PPFIBP2: variants seen among roughly 807,000 people sequenced by gnomAD.
The protein encoded by PPFIBP2 is PPFIB scaffold protein 2.
A neutral mutation model predicts 118.3 loss-of-function variants in PPFIBP2; 118 were observed. The observed-to-expected ratio is 1.00, with a 90% CI of 0.86 to 1.16. The LOEUF (loss-of-function observed/expected upper bound fraction) is 1.16. Ranked by LOEUF, PPFIBP2 falls within the 50% of genes most tolerant of loss-of-function variation. The probability of loss-of-function intolerance (pLI) is 0.00; values close to 1 mark genes in which losing one functional copy is unlikely to be tolerated. For missense variants in PPFIBP2, 1,195 were observed against 1,073.1 expected (o/e 1.11, Z -1.59); for synonymous variants, 414 against 397.4 (o/e 1.04, Z -0.50).
chr11:7,542,712 A>G (rs1320640327), intron 1 of PPFIBP2, among the ~76,000 whole-genome samples: 1 of 152,230 alleles, frequency 6.6e-6, no homozygotes, highest in Non-Finnish European at 1.5e-5. Context: ...TGACTGAGGA[A>G]GTCTCTCCCA....
downstream of PPFIBP2, among the ~76,000 whole-genome samples, chr11:7,654,644 C>T (rs1248555062): frequency 6.6e-6 from 1 of 152,244 alleles, no homozygotes; most frequent in East Asian, 1.9e-4. Context: ...TACCCAGGTC[C>T]ACTGGATGAC....
chr11:7,629,515 G>A lies in PPFIBP2; in HGVS notation c.945G>A (p.Glu315=). The A allele has an allele frequency of 6.2e-7, 1 of 1,614,144 alleles. No homozygotes were observed. The highest frequency in any genetic ancestry group is 1.1e-5 in the South Asian group (1 of 91,074). Residue 315 remains glutamate, a synonymous_variant, in exon 10 of 24, where the codon GAG becomes GAA. Coordinates refer to ENST00000299492, the MANE Select transcript of PPFIBP2 (RefSeq NM_003621.5). ...TAAACCAGTACCGGAAGGTAAAGGAGATTGTGATGGTCACTCAAGGTAAGA... is the reference window on the plus strand; with the variant it reads ...TAAACCAGTACCGGAAGGTAAAGGAAATTGTGATGGTCACTCAAGGTAAGA... The part of the protein sequence containing the change: ...GLLNQYRKVK[E]IVMVTQGPSE...
intron 23 of PPFIBP2, among the ~76,000 whole-genome samples, chr11:7,652,156 C>T (rs918913203): frequency 6.6e-6 from 1 of 152,260 alleles, no homozygotes; most frequent in Non-Finnish European, 1.5e-5. Flanking sequence ...AGAGCGGAAG[C>T]GCTCCGAGTC....
chr11:7,577,297 G>A (rs1346002771), intron 3 of PPFIBP2: 8 of 248,570 alleles, frequency 3.2e-5, no homozygotes, highest in Non-Finnish European at 6.5e-5. Flanking sequence ...CCCAGTCCTG[G>A]TGCGTGTGCG....
intron 11 of PPFIBP2, among the ~76,000 whole-genome samples, chr11:7,631,605 CA>C (rs1850768022): frequency 6.6e-6 from 1 of 152,192 alleles, no homozygotes; most frequent in African/African-American, 2.4e-5. Flanking sequence ...TACAAATAAA[CA>C]AATAAACAAG....
chr11:7,549,489 C>T lies in PPFIBP2; in HGVS notation c.14C>T (p.Ala5Val). MASD[A>V]SHALEAALEQ... is the part of the protein sequence containing the mutation. Reference sequence around the variant, plus strand: ...GCAAAAGGAGTCATGGCTTCTGATGCTAGTCATGCGCTGGAAGCTGCCCTG... The same window carrying T: ...GCAAAAGGAGTCATGGCTTCTGATGTTAGTCATGCGCTGGAAGCTGCCCTG... Residue 5 changes from alanine to valine, a missense_variant, in exon 2 of 24, where the codon GCT (alanine) becomes GTT (valine). Coordinates refer to ENST00000299492, the MANE Select transcript of PPFIBP2 (RefSeq NM_003621.5). 1 of 1,562,056 alleles carries T rather than the reference C, an allele frequency of 6.4e-7. No homozygotes were observed. The highest frequency in any genetic ancestry group is 8.7e-7 in the Non-Finnish European group (1 of 1,152,864).
intron 1 of PPFIBP2, among the ~76,000 whole-genome samples, chr11:7,532,629 G>A (rs1850811832): frequency 6.6e-6 from 1 of 152,210 alleles, no homozygotes; most frequent in Admixed American, 6.5e-5. Context: ...GCTCCCGTGT[G>A]GCCCTCGGAA....
At chr11:7,633,421 G>T (rs756747625) in intron 12 of PPFIBP2, among the ~76,000 whole-genome samples, 1 of 152,192 alleles carries the variant, frequency 6.6e-6, no homozygotes, top group South Asian at 2.1e-4. Flanking sequence ...TCATTTGACT[G>T]CCATCTGTCT....
Position 7,628,321 on chromosome 11 carries a change from CT to C in PPFIBP2, c.866del (p.Leu289CysfsTer12). 6.2e-7 allele frequency: 1 copy of C among 1,613,932 alleles called. No homozygotes were observed. Among genetic ancestry groups the C allele is most frequent in the Non-Finnish European group, 8.5e-7 (1 of 1,179,900 alleles). On this transcript the variant is annotated frameshift_variant, in exon 9 of 24. Transcript: ENST00000299492. LOFTEE classifies it high-confidence loss of function. Reference sequence around the variant, plus strand: ...CAACGTCTGAAAATGGGGATGGAAACTTTGCTGCTTGCCAATGAAGATAAGG... The same window carrying C: ...CAACGTCTGAAAATGGGGATGGAAACTTGCTGCTTGCCAATGAAGATAAGG... ...EIQRLKMGME[T>X]LLLANEDKDR...
chr11:7,581,739 T>C (rs184280072), intron 3 of PPFIBP2, among the ~76,000 whole-genome samples: 112 of 152,326 alleles, frequency 7.4e-4, no homozygotes, highest in Middle Eastern at 3.4e-3. Context: ...GGCTCATATC[T>C]CACCTCTGTG....
chr11:7,656,607 T>A, downstream of PPFIBP2: 2 of 556,628 alleles, frequency 3.6e-6, no homozygotes, highest in Non-Finnish European at 6.1e-6. Flanking sequence ...ACTATAAACT[T>A]ATAGTGCACC....
At chr11:7,642,237 A>T in intron 16 of PPFIBP2, 61 bp from the exon 17 acceptor site, 1 of 1,592,714 alleles carries the variant, frequency 6.3e-7, no homozygotes, top group Non-Finnish European at 8.6e-7. Flanking sequence ...AAGAGGAAGC[A>T]CAGTGACTGT....
intron 1 of PPFIBP2, among the ~76,000 whole-genome samples, chr11:7,521,840 A>T (rs1849784165): frequency 6.6e-6 from 1 of 152,200 alleles, no homozygotes; most frequent in Non-Finnish European, 1.5e-5. Context: ...GAAGAGGAGC[A>T]GAAGCTGAAA....
Position 7,653,478 on chromosome 11 carries a change from G to C in PPFIBP2, c.*260G>C. 6.9e-7 allele frequency: 1 copy of C among 1,456,378 alleles called. No individual in the cohort carries two copies. The highest frequency in any genetic ancestry group is 2.1e-5 in the Admixed American group (1 of 48,442). 90.2% of individuals were successfully genotyped at this position (1,456,378 alleles called of 1,614,324 possible). Reference sequence around the variant, plus strand: ...ACTTAAAGACACTTTTACATGTCTAGTAATTCTTGATGTTCATCTTCAGCA... The same window carrying C: ...ACTTAAAGACACTTTTACATGTCTACTAATTCTTGATGTTCATCTTCAGCA... On this transcript the variant is annotated 3_prime_UTR_variant, in exon 24 of 24. Coordinates refer to ENST00000299492, the MANE Select transcript of PPFIBP2 (RefSeq NM_003621.5).
At chr11:7,665,546 C>A in the PPFIBP2 span, 1 of 1,599,292 alleles carries the variant, frequency 6.3e-7, no homozygotes, top group Non-Finnish European at 8.5e-7. Context: ...GTACTTCCAG[C>A]CTGAAATGAA....
At chr11:7,522,558 G>C (rs1384351567) in intron 1 of PPFIBP2, among the ~76,000 whole-genome samples, 1 of 152,206 alleles carries the variant, frequency 6.6e-6, no homozygotes, top group Non-Finnish European at 1.5e-5. Context: ...TAGCACATGA[G>C]TTTAGCCAGA....
At chr11:7,625,955 G>C in intron 8 of PPFIBP2, 64 bp downstream of exon 8, 1 of 1,337,588 alleles carries the variant, frequency 7.5e-7, no homozygotes, top group Non-Finnish European at 1.1e-6. Context: ...TTATAAGTGA[G>C]CATGTGTTTC....
chr11:7,656,002 C>A (rs551277801), downstream of PPFIBP2, among the ~76,000 whole-genome samples: 6 of 152,192 alleles, frequency 3.9e-5, no homozygotes, highest in Non-Finnish European at 5.9e-5. Flanking sequence ...CATGGGGAAG[C>A]AGTTTGGCCT....
intron 5 of PPFIBP2, among the ~76,000 whole-genome samples, chr11:7,607,527 A>C (rs1431233231): frequency 4.6e-5 from 7 of 152,134 alleles, no homozygotes; most frequent in Non-Finnish European, 8.8e-5. Context: ...GCATCACCTT[A>C]AGGTGTTCAA....
Sources: gnomAD v4.1 joint callset for allele counts (sites outside exome capture counted in the v4.1 genomes callset) on GRCh38, gnomAD v4.1.1 for gene constraint, MANE v1.5 for transcripts, NCBI Gene and HGNC (gene_info 2026-07-23, HGNC 2026-07-21) for gene names.